Variants in FAT3 observed in about 807,000 individuals in gnomAD.
The protein encoded by FAT3 is protocadherin Fat 3.
In FAT3, 95 loss-of-function variants were observed where a neutral mutation model predicts 310.2. That is an observed-to-expected ratio of 0.31 (90% CI 0.26 to 0.36). The LOEUF is 0.36. Among genes scored for constraint, FAT3 ranks in the 10% least tolerant of loss-of-function variants. The probability of loss-of-function intolerance (pLI) is 1.00; values close to 1 mark genes in which losing one functional copy is unlikely to be tolerated. For missense variants in FAT3, 5,408 were observed against 5,715.6 expected, an observed-to-expected ratio of 0.95 and a Z score of 1.74; for synonymous variants, 2,314 against 2,192.9, an observed-to-expected ratio of 1.06 and a Z score of -1.54.
intron 1 of FAT3, among the ~76,000 whole-genome samples, chr11:92,302,807 A>C (rs1947033594): frequency 6.6e-6 from 1 of 152,124 alleles, no homozygotes; most frequent in African/African-American, 2.4e-5. Context: ...ATAAGATTTC[A>C]AGGAAGGGAA....
chr11:92,730,713 A>G (rs1304726352), intron 4 of FAT3, among the ~76,000 whole-genome samples: 2 of 152,166 alleles, frequency 1.3e-5, no homozygotes, highest in Non-Finnish European at 2.9e-5. Context: ...CTGTTTATTA[A>G]TGTATTTTTA....
At position 92,679,174 on chromosome 11, in the gene FAT3, C is replaced by T. The variant is rs117844237; in HGVS notation, c.3608-18210C>T. On this transcript the variant is annotated intron_variant, in intron 3 of 27. Transcript: ENST00000525166. Reference sequence around the variant, plus strand: ...AATAGTATTCCATTGTGTATATATACATTTTCTTCATACATTCGTCTGTTG... The same window carrying T: ...AATAGTATTCCATTGTGTATATATATATTTTCTTCATACATTCGTCTGTTG... 5.4e-3 allele frequency among the ~76,000 whole-genome samples: 828 copies of T among 152,166 alleles called. 8 individuals are homozygous for T. The highest frequency in any genetic ancestry group is 6.4e-3 in the Non-Finnish European group (438 of 68,004).
rs772381125 is a variant in FAT3 at position 92,882,908 on chromosome 11, G to T, written c.12452G>T (p.Gly4151Val). 4 of 1,612,836 alleles carry T rather than the reference G, an allele frequency of 2.5e-6. No individual in the cohort carries two copies. The highest frequency in any genetic ancestry group is 3.3e-5 in the Admixed American group (2 of 59,874). ...PNIQAGHSYV[G>V]KEELIGIAVV... The stretch of plus-strand genomic sequence containing the variant: ...ATCCAGGCTGGCCACTCCTACGTGG[G>T]GAAGGAGGAGCTCATCGGCATCGCC... Residue 4151 changes from glycine (G) to valine (V), a missense_variant, in exon 24 of 28, where the codon GGG becomes GTG. Physicochemically the swap from Gly to Val is moderately radical, Grantham distance 109. Coordinates refer to ENST00000525166, the MANE Select transcript of FAT3 (RefSeq NM_001367949.2).
chr11:92,593,077 A>G (rs1939517745), intron 3 of FAT3, among the ~76,000 whole-genome samples: 1 of 152,104 alleles, frequency 6.6e-6, no homozygotes, highest in South Asian at 2.1e-4. Flanking sequence ...TTTTGTAGCT[A>G]GCTTATTTCT....
chr11:92,548,122 A>G (rs944260972), intron 3 of FAT3, among the ~76,000 whole-genome samples: 1 of 152,200 alleles, frequency 6.6e-6, no homozygotes, highest in African/African-American at 2.4e-5. Flanking sequence ...GTCTGATGAG[A>G]AATAGAAGAA....
chr11:92,474,801 C>T (rs1365680093), intron 2 of FAT3, among the ~76,000 whole-genome samples: 1 of 152,168 alleles, frequency 6.6e-6, no homozygotes, highest in Non-Finnish European at 1.5e-5. Context: ...TGTCACGTTA[C>T]TCCCAGGCCA....
At chr11:92,516,104 T>C (rs981616180) in intron 2 of FAT3, among the ~76,000 whole-genome samples, 8 of 151,888 alleles carry the variant, frequency 5.3e-5, no homozygotes, top group African/African-American at 1.9e-4. Context: ...TTCCAAACAA[T>C]AGAAAAAGAG....
intron 3 of FAT3, among the ~76,000 whole-genome samples, chr11:92,617,960 T>C (rs1177599721): frequency 6.6e-6 from 1 of 152,170 alleles, no homozygotes; most frequent in African/African-American, 2.4e-5. Context: ...AGTCTGTCCG[T>C]TCTCAGATCT....
At position 92,473,310 on chromosome 11, in the gene FAT3, G is replaced by T. The variant is rs547921309; in HGVS notation, c.3293-51324G>T. Among the ~76,000 whole-genome samples, 3 of 150,020 alleles carry T rather than the reference G, an allele frequency of 2.0e-5. No homozygotes were observed. The East Asian group carries it at 5.9e-4, about 30-fold the overall frequency. On this transcript the variant is annotated intron_variant, in intron 2 of 27. Coordinates refer to ENST00000525166, the MANE Select transcript of FAT3 (RefSeq NM_001367949.2). ...TGGAATTAGCAGTGTTCTCACTTGT[G>T]TGTGTGTGTTGGGTGGGGTTGTGCA...
chr11:92,483,102 C>A (rs1342214778), intron 2 of FAT3, among the ~76,000 whole-genome samples: 1 of 152,148 alleles, frequency 6.6e-6, no homozygotes, highest in Non-Finnish European at 1.5e-5. Context: ...TTGGCATTGT[C>A]ATTTGGTAAA....
chr11:92,541,680 T>C (rs2135412785), intron 3 of FAT3, among the ~76,000 whole-genome samples: 1 of 152,240 alleles, frequency 6.6e-6, no homozygotes. Flanking sequence ...ACTGAAATGG[T>C]TAAAGACTTG....
intron 4 of FAT3, among the ~76,000 whole-genome samples, chr11:92,731,009 C>T (rs1266930285): frequency 1.3e-5 from 2 of 152,160 alleles, no homozygotes; most frequent in Non-Finnish European, 2.9e-5. Flanking sequence ...TTTGTGTTGT[C>T]TTCCCTATCA....
intron 2 of FAT3, among the ~76,000 whole-genome samples, chr11:92,371,343 T>C (rs757562614): frequency 2.0e-4 from 30 of 151,580 alleles, no homozygotes; most frequent in Non-Finnish European, 3.5e-4. Flanking sequence ...TTGAATGAGG[T>C]AGGTCAGAAC....
chr11:92,438,954 T>C (rs961595949), intron 2 of FAT3, among the ~76,000 whole-genome samples: 1 of 152,168 alleles, frequency 6.6e-6, no homozygotes, highest in African/African-American at 2.4e-5. Flanking sequence ...AGGTTTGGTG[T>C]TTACACAATC....
chr11:92,563,406 T>C (rs904420839), intron 3 of FAT3, among the ~76,000 whole-genome samples: 2 of 152,130 alleles, frequency 1.3e-5, no homozygotes, highest in African/African-American at 4.8e-5. Flanking sequence ...CCCCAATATT[T>C]TGTGATTGAC....
At chr11:92,666,752 G>C (rs182566697) in intron 3 of FAT3, among the ~76,000 whole-genome samples, 16 of 152,204 alleles carry the variant, frequency 1.1e-4, no homozygotes, top group East Asian at 1.9e-4. Context: ...ATAGCACTGT[G>C]GTGGGTGAAA....
intron 2 of FAT3, chr11:92,408,255 T>A (rs761312117): frequency 3.9e-5 from 6 of 152,194 alleles, no homozygotes; most frequent in Non-Finnish European, 7.3e-5. Context: ...AAGACCCCAC[T>A]CTTATGACCT....
rs1591252852 is a variant in FAT3 at position 92,412,746 on chromosome 11, A to ACACATATATATAT, written c.3292+57342_3292+57343insCACATATATATAT. ...ATATATATATATATATATATATATA[A>ACACATATATATAT]ATATACATACATATATATATATTTA... is the stretch of plus-strand genomic sequence containing the variant. On this transcript the variant is annotated intron_variant, in intron 2 of 27. Coordinates refer to ENST00000525166, the MANE Select transcript of FAT3 (RefSeq NM_001367949.2). 3.8e-3 allele frequency among the ~76,000 whole-genome samples: 69 copies of ACACATATATATAT among 18,064 alleles called. 12 individuals carry two copies. The highest frequency in any genetic ancestry group is 6.4e-3 in the Admixed American group (7 of 1,098). The allele number at this position is 18,064 out of a possible 152,430, so 11.9% of individuals were successfully genotyped here. A position where few individuals can be genotyped will look rare whatever the true frequency, so the allele number is the denominator to read the frequency against.
chr11:92,571,194 G>A (rs990454630), intron 3 of FAT3, among the ~76,000 whole-genome samples: 1 of 152,136 alleles, frequency 6.6e-6, no homozygotes, highest in African/African-American at 2.4e-5. Context: ...AAGAGGTAAG[G>A]AATAGGAGCC....
Sources: allele counts gnomAD v4.1 joint callset (sites outside exome capture counted in the v4.1 genomes callset), GRCh38; gene constraint gnomAD v4.1.1; transcripts MANE v1.5; gene names NCBI Gene and HGNC (gene_info 2026-07-23, HGNC 2026-07-21).